METTL24: variants seen among roughly 807,000 people sequenced by gnomAD.
The protein encoded by METTL24 is probable methyltransferase-like protein 24.
Under a neutral mutation model 32.7 loss-of-function variants are expected in METTL24, and 29 were observed. The observed-to-expected ratio is 0.89, with a 90% CI of 0.66 to 1.21. METTL24 has a LOEUF of 1.21. Ranked by LOEUF, METTL24 falls within the 50% of genes most tolerant of loss-of-function variation. The probability of loss-of-function intolerance (pLI) is 0.00; values close to 1 mark genes in which losing one functional copy is unlikely to be tolerated. For synonymous variants in METTL24, 163 were observed against 179.5 expected, an observed-to-expected ratio of 0.91 and a Z score of 0.73; for missense variants, 439 against 468.1, an observed-to-expected ratio of 0.94 and a Z score of 0.57.
At chr6:110,270,463 G>A (rs537806422) in intron 4 of METTL24, among the ~76,000 whole-genome samples, 6 of 152,134 alleles carry the variant, frequency 3.9e-5, no homozygotes, top group Non-Finnish European at 8.8e-5. Flanking sequence ...TAAGCAGACA[G>A]TCAGTTGCTA....
At chr6:110,268,552 G>A (rs898111307) in intron 4 of METTL24, among the ~76,000 whole-genome samples, 10 of 152,314 alleles carry the variant, frequency 6.6e-5, no homozygotes, top group African/African-American at 1.7e-4. Context: ...CTGGGGGTAA[G>A]CGGCAGAAAT....
intron 1 of METTL24, among the ~76,000 whole-genome samples, chr6:110,336,132 G>C (rs72935956): frequency 0.06 from 9,147 of 152,252 alleles, 360 homozygotes; most frequent in Non-Finnish European, 0.087. Flanking sequence ...ATGTCATGGA[G>C]GATAAATCCT....
intron 4 of METTL24, among the ~76,000 whole-genome samples, chr6:110,264,123 G>A (rs530882702): frequency 6.6e-6 from 1 of 151,336 alleles, no homozygotes; most frequent in African/African-American, 2.4e-5. Flanking sequence ...TGACAAATGG[G>A]ATCTAATTAA....
chr6:110,299,838 T>C (rs1771488540), intron 3 of METTL24, among the ~76,000 whole-genome samples: 1 of 152,080 alleles, frequency 6.6e-6, no homozygotes, highest in Non-Finnish European at 1.5e-5. Flanking sequence ...CTCAGAAATA[T>C]TCCCTATTTA....
intron 4 of METTL24, among the ~76,000 whole-genome samples, chr6:110,292,955 G>C (rs1771346168): frequency 6.6e-6 from 1 of 151,798 alleles, no homozygotes; most frequent in South Asian, 2.1e-4. Context: ...CCATTAATCT[G>C]TTTATCTGTT....
chr6:110,345,621 T>C (rs1330582403), intron 1 of METTL24, among the ~76,000 whole-genome samples: 1 of 152,172 alleles, frequency 6.6e-6, no homozygotes, highest in Non-Finnish European at 1.5e-5. Context: ...ATCATGTCTT[T>C]TGCAGGAACA....
chr6:110,336,280 T>A (rs1170606816), intron 1 of METTL24, among the ~76,000 whole-genome samples: 1 of 152,212 alleles, frequency 6.6e-6, no homozygotes, highest in Admixed American at 6.5e-5. Context: ...AGGCCTTGCC[T>A]CTCATCCCTA....
At chr6:110,296,834 T>A (rs1345536501) in intron 4 of METTL24, among the ~76,000 whole-genome samples, 1 of 152,180 alleles carries the variant, frequency 6.6e-6, no homozygotes, top group African/African-American at 2.4e-5. Flanking sequence ...CGCAGCCACA[T>A]CCTATTTACC....
At chr6:110,326,528 G>C (rs1772020139) in intron 1 of METTL24, among the ~76,000 whole-genome samples, 1 of 152,202 alleles carries the variant, frequency 6.6e-6, no homozygotes, top group Non-Finnish European at 1.5e-5. Flanking sequence ...TATAACCAAT[G>C]TTGTTAACTG....
intron 2 of METTL24, among the ~76,000 whole-genome samples, chr6:110,322,076 T>C (rs1771938655): frequency 6.6e-6 from 1 of 152,128 alleles, no homozygotes; most frequent in Non-Finnish European, 1.5e-5. Context: ...TGTCTCTCTT[T>C]CCCCCTGGGA....
intron 1 of METTL24, chr6:110,332,639 G>C (rs1772128680): frequency 4.6e-6 from 1 of 217,024 alleles, no homozygotes; most frequent in Admixed American, 6.5e-5. Context: ...CAGGCACGGT[G>C]GTTCAGGCCT....
chr6:110,289,403 A>G (rs576790332), intron 4 of METTL24, among the ~76,000 whole-genome samples: 7 of 152,358 alleles, frequency 4.6e-5, no homozygotes, highest in African/African-American at 1.4e-4. Context: ...ACACTTTTAA[A>G]TAAAAGCATG....
chr6:110,316,851 C>T (rs562484041), intron 2 of METTL24, among the ~76,000 whole-genome samples: 24 of 152,038 alleles, frequency 1.6e-4, no homozygotes, highest in Non-Finnish European at 3.1e-4. Context: ...TGTGCCTCTA[C>T]ACTCCAGCCT....
At chr6:110,327,637 T>A (rs1449248005) in intron 1 of METTL24, among the ~76,000 whole-genome samples, 1 of 152,224 alleles carries the variant, frequency 6.6e-6, no homozygotes, top group Non-Finnish European at 1.5e-5. Flanking sequence ...TATTTCCCCA[T>A]GGAAACCGCT....
At chr6:110,305,075 G>A (rs1373754189) in intron 3 of METTL24, among the ~76,000 whole-genome samples, 1 of 152,096 alleles carries the variant, frequency 6.6e-6, no homozygotes, top group Non-Finnish European at 1.5e-5. Context: ...CATAAGTGAA[G>A]GAGAATAAAA....
chr6:110,291,246 T>C (rs1011005035), intron 4 of METTL24, among the ~76,000 whole-genome samples: 5 of 152,198 alleles, frequency 3.3e-5, no homozygotes, highest in African/African-American at 9.6e-5. Flanking sequence ...CTAAGAAATA[T>C]ACTGTCTAAA....
At chr6:110,301,653 A>G (rs1771518785) in intron 3 of METTL24, among the ~76,000 whole-genome samples, 1 of 152,216 alleles carries the variant, frequency 6.6e-6, no homozygotes, top group Non-Finnish European at 1.5e-5. Context: ...GGATCAACTG[A>G]AGCCCAGCTG....
At chr6:110,258,191 AT>A (rs1199554577) in intron 4 of METTL24, among the ~76,000 whole-genome samples, 26 of 152,220 alleles carry the variant, frequency 1.7e-4, no homozygotes, top group Non-Finnish European at 3.2e-4. Flanking sequence ...AGATGGTCTG[AT>A]TTAAGTTACT....
intron 1 of METTL24, among the ~76,000 whole-genome samples, chr6:110,357,099 A>C (rs73763045): frequency 0.026 from 3,944 of 152,218 alleles, 190 homozygotes; most frequent in African/African-American, 0.09. Context: ...TGCTTTGGAG[A>C]ACGTGGTTGA....
Sources: gnomAD v4.1 joint callset for allele counts (sites outside exome capture counted in the v4.1 genomes callset) on GRCh38, gnomAD v4.1.1 for gene constraint, MANE v1.5 for transcripts, NCBI Gene and HGNC (gene_info 2026-07-23, HGNC 2026-07-21) for gene names.